The following CLPB variants were observed in gnomAD, a reference collection of about 807,000 sequenced individuals.
CLPB encodes the protein ClpB family mitochondrial disaggregase, also known as mitochondrial disaggregase.
CLPB carries 40 observed loss-of-function variants against 78.4 expected under a neutral mutation model. That is an observed-to-expected ratio of 0.51 (90% CI 0.40 to 0.66). The LOEUF is 0.66. CLPB is among the 30% of genes least tolerant of loss of function. CLPB has a pLI of 0.00. For synonymous variants in CLPB, 333 were observed against 348.0 expected (o/e 0.96, Z 0.48); for missense variants, 780 against 886.9 (o/e 0.88, Z 1.53).
At chr11:72,375,279 C>T (rs942733967) in intron 4 of CLPB, among the ~76,000 whole-genome samples, 8 of 152,148 alleles carry the variant, frequency 5.3e-5, no homozygotes, top group African/African-American at 1.7e-4. Context: ...AGTGTGAATT[C>T]GACATTGCCC....
rs1248571345 is a variant in CLPB at position 72,358,363 on chromosome 11, T to A, written c.775+517A>T. ...AACAAATAAAAACAATTTCAGGTTG[T>A]GACAAGTGTAATGACGGAAAAGAAT... is the stretch of plus-strand genomic sequence containing the variant. On this transcript the variant is annotated intron_variant, in intron 5 of 15. Coordinates refer to ENST00000538039, the MANE Select transcript of CLPB (RefSeq NM_001258392.3). 3.3e-5 allele frequency among the ~76,000 whole-genome samples: 5 copies of A among 152,190 alleles called. No homozygotes were observed. The East Asian group carries it at 5.8e-4, about 18-fold the overall frequency.
At chr11:72,342,771 T>G (rs1313415516) in intron 5 of CLPB, among the ~76,000 whole-genome samples, 1 of 152,170 alleles carries the variant, frequency 6.6e-6, no homozygotes, top group Admixed American at 6.5e-5. Context: ...GCAGTCATAA[T>G]TACACTGTTA....
rs189188186 is a variant in CLPB, at chr11:72,365,200, G to A, written c.647-6192C>T. Among the ~76,000 whole-genome samples the A allele has an allele frequency of 1.4e-4, 22 of 152,288 alleles. No individual in the cohort carries two copies. The East Asian group carries it at 4.2e-3, about 29-fold the overall frequency. On this transcript the variant is annotated intron_variant, in intron 4 of 15. Coordinates refer to ENST00000538039, the MANE Select transcript of CLPB (RefSeq NM_001258392.3). ...CTAGGGGCTGTGGTGGCACATGCTTGTGGTCCTAGCAACTCAGGAGGCTGA... is the reference window on the plus strand; with the variant it reads ...CTAGGGGCTGTGGTGGCACATGCTTATGGTCCTAGCAACTCAGGAGGCTGA...
intron 6 of CLPB, among the ~76,000 whole-genome samples, chr11:72,321,444 G>A (rs1391251015): frequency 6.6e-6 from 1 of 152,210 alleles, no homozygotes; most frequent in Non-Finnish European, 1.5e-5. Context: ...TGCAGTCACT[G>A]GTTTCCATCA....
In CLPB at chr11:72,434,205, G is replaced by C. The variant is rs775156233; in HGVS notation, c.270C>G (p.Arg90=). ...GGAGTGTTTCTTCGGGACCAGGAAG[G>C]CGTCCCCAAGTGGCAGCCGCGAGGC... ...TKCLAAATWG[R]LPGPEETLPG... Residue 90 remains arginine (R), a synonymous_variant, in exon 1 of 16, where the codon CGC becomes CGG. Transcript: ENST00000538039. 3 of 1,613,540 alleles carry C rather than the reference G, an allele frequency of 1.9e-6. No homozygotes were observed. Among genetic ancestry groups the C allele is most frequent in the Non-Finnish European group, 2.5e-6 (3 of 1,180,002 alleles).
chr11:72,427,699 T>C (rs1328602936), intron 2 of CLPB, among the ~76,000 whole-genome samples: 1 of 152,180 alleles, frequency 6.6e-6, no homozygotes, highest in Non-Finnish European at 1.5e-5. Context: ...ACCATATAGA[T>C]TAGGTGTGTG....
At chr11:72,337,171 C>T (rs1291495550) in intron 5 of CLPB, 3 of 398,576 alleles carry the variant, frequency 7.5e-6, no homozygotes, top group East Asian at 7.1e-5. Flanking sequence ...CTGCAGGAAG[C>T]ACAGAAGAAC....
intron 5 of CLPB, among the ~76,000 whole-genome samples, chr11:72,341,514 T>C (rs1335217801): frequency 6.6e-6 from 1 of 152,224 alleles, no homozygotes; most frequent in East Asian, 1.9e-4. Context: ...AAGTTATACA[T>C]TAAAGATATA....
intron 7 of CLPB, among the ~76,000 whole-genome samples, chr11:72,310,722 A>G (rs1949829945): frequency 6.6e-6 from 1 of 152,180 alleles, no homozygotes; most frequent in African/African-American, 2.4e-5. Context: ...TTCAAGCTTC[A>G]TGGGGTATTT....
At chr11:72,322,431 G>A (rs780474941) in intron 6 of CLPB, among the ~76,000 whole-genome samples, 2 of 152,164 alleles carry the variant, frequency 1.3e-5, no homozygotes, top group South Asian at 2.1e-4. Context: ...TGATCCACCC[G>A]TCTTGGCCTC....
chr11:72,329,755 A>G lies in CLPB; in HGVS notation c.825T>C (p.Tyr275=). The change falls in exon 6 of 16, where the codon TAT becomes TAC. Residue 275 remains tyrosine, a synonymous_variant. Coordinates refer to ENST00000538039, the MANE Select transcript of CLPB (RefSeq NM_001258392.3). ...RNEMGHTPLD[Y]AREGEVMKLL... is the part of the protein sequence containing the mutation. ...GCTTCATCACTTCCCCTTCTCGGGC[A>G]TAATCCAAGGGTGTGTGTCCCATTT... 1.2e-6 allele frequency: 2 copies of G among 1,614,072 alleles called. No homozygotes were observed. The highest frequency in any genetic ancestry group is 2.2e-5 in the South Asian group (2 of 91,072).
intron 11 of CLPB, among the ~76,000 whole-genome samples, chr11:72,295,905 T>A (rs769781737): frequency 1.3e-5 from 2 of 152,234 alleles, no homozygotes; most frequent in Non-Finnish European, 2.9e-5. Flanking sequence ...CTCTGGCATC[T>A]CTTGGGGCAC....
At chr11:72,315,899 C>T (rs181452344) in intron 7 of CLPB, among the ~76,000 whole-genome samples, 13 of 152,276 alleles carry the variant, frequency 8.5e-5, no homozygotes, top group Middle Eastern at 3.4e-3. Context: ...GCTTGCCTAC[C>T]ATAAGTTCTG....
At chr11:72,343,349 GT>G (rs1243588296) in intron 5 of CLPB, among the ~76,000 whole-genome samples, 2 of 152,176 alleles carry the variant, frequency 1.3e-5, no homozygotes, top group East Asian at 1.9e-4. Context: ...AAATGTGGGG[GT>G]GGGGGAGGTA....
chr11:72,289,888 T>C lies in CLPB; in HGVS notation c.*3479A>G, dbSNP rs1170404956. The C allele has an allele frequency of 6.6e-6, 1 of 152,192 alleles. No homozygotes were observed. The highest frequency in any genetic ancestry group is 1.5e-5 in the Non-Finnish European group (1 of 68,034). The allele number at this position is 152,192 out of a possible 1,614,324, so 9.4% of individuals were successfully genotyped here. On this transcript the variant is annotated 3_prime_UTR_variant, in exon 16 of 16. Transcript: ENST00000538039. The stretch of plus-strand genomic sequence containing the variant: ...ACCATACCTGGCTCACGGTTTTTAA[T>C]AACATACAGATGGATAGAATAATAA...
chr11:72,401,275 TA>T, intron 3 of CLPB, among the ~76,000 whole-genome samples: 1 of 151,980 alleles, frequency 6.6e-6, no homozygotes, highest in East Asian at 1.9e-4. Context: ...CCATCTCTAC[TA>T]AAAATACAAA....
chr11:72,307,487 C>G (rs1334413162), intron 8 of CLPB, among the ~76,000 whole-genome samples: 2 of 152,138 alleles, frequency 1.3e-5, no homozygotes, highest in Admixed American at 6.5e-5. Flanking sequence ...GGGATTGAGG[C>G]CTTTTCTCTG....
At chr11:72,412,593 T>C (rs1855911034) in intron 2 of CLPB, among the ~76,000 whole-genome samples, 2 of 152,176 alleles carry the variant, frequency 1.3e-5, no homozygotes, top group African/African-American at 4.8e-5. Context: ...CCTCTGTCTG[T>C]CTCTTCCAGG....
intron 2 of CLPB, among the ~76,000 whole-genome samples, chr11:72,403,876 G>A (rs1213277711): frequency 3.9e-5 from 6 of 152,180 alleles, no homozygotes; most frequent in Non-Finnish European, 8.8e-5. Flanking sequence ...TGGGTAAATA[G>A]AATGAACTCT....
Sources: allele counts gnomAD v4.1 joint callset (sites outside exome capture counted in the v4.1 genomes callset), GRCh38; gene constraint gnomAD v4.1.1; transcripts MANE v1.5; gene names NCBI Gene and HGNC (gene_info 2026-07-23, HGNC 2026-07-21).